The following MAP3K5 variants were observed in gnomAD, a reference collection of about 807,000 sequenced individuals.
MAP3K5 encodes ASK-1.
MAP3K5 carries 56 observed loss-of-function variants against 158.7 expected under a neutral mutation model. The ratio of observed to expected loss-of-function variants is 0.35; its 90% CI spans 0.28 to 0.44. The LOEUF (loss-of-function observed/expected upper bound fraction) is 0.44. MAP3K5 is among the 20% of genes least tolerant of loss of function. The pLI, the probability that MAP3K5 is intolerant of heterozygous loss-of-function variation, is 1.00. For synonymous variants in MAP3K5, 579 were observed against 601.7 expected (o/e 0.96, Z 0.55); for missense variants, 1,294 against 1,674.8 (o/e 0.77, Z 3.97).
intron 28 of MAP3K5, 62 bp from the exon 29 acceptor site, chr6:136,558,938 C>T: frequency 1.2e-6 from 1 of 828,536 alleles, no homozygotes; most frequent in Non-Finnish European, 2.1e-6. Context: ...AGCACAAACT[C>T]TATTCATAAT....
chr6:136,656,618 T>G (rs1778760553), intron 9 of MAP3K5, among the ~76,000 whole-genome samples, 158 bp from the exon 10 acceptor site: 1 of 152,036 alleles, frequency 6.6e-6, no homozygotes, highest in South Asian at 2.1e-4. Context: ...TCGTGTGTTT[T>G]CACACTTTTT....
intron 17 of MAP3K5, among the ~76,000 whole-genome samples, chr6:136,611,596 T>A (rs555442799): frequency 6.6e-6 from 1 of 152,244 alleles, no homozygotes; most frequent in Non-Finnish European, 1.5e-5. Flanking sequence ...CCAACCGCCT[T>A]TGCGAAAATT....
chr6:136,701,385 A>G (rs897547464), intron 3 of MAP3K5, among the ~76,000 whole-genome samples: 3 of 152,240 alleles, frequency 2.0e-5, no homozygotes, highest in Admixed American at 6.5e-5. Context: ...AATGAAGCAG[A>G]AACCAAACCT....
intron 1 of MAP3K5, among the ~76,000 whole-genome samples, chr6:136,777,703 T>C (rs1784453093): frequency 6.6e-6 from 1 of 152,250 alleles, no homozygotes; most frequent in African/African-American, 2.4e-5. Context: ...ACATGTTTTA[T>C]GTATATCAAA....
intron 7 of MAP3K5, among the ~76,000 whole-genome samples, chr6:136,679,108 T>A (rs1344137102): frequency 1.3e-5 from 2 of 152,240 alleles, no homozygotes; most frequent in African/African-American, 4.8e-5. Context: ...TTCAAAGCAA[T>A]AGGTTTTTGT....
At chr6:136,678,534 T>C (rs1007242154) in intron 7 of MAP3K5, among the ~76,000 whole-genome samples, 1 of 152,150 alleles carries the variant, frequency 6.6e-6, no homozygotes, top group Non-Finnish European at 1.5e-5. Flanking sequence ...AAACTATCTA[T>C]AAAGATAGAG....
At chr6:136,736,324 A>G (rs1296796604) in intron 1 of MAP3K5, among the ~76,000 whole-genome samples, 1 of 152,220 alleles carries the variant, frequency 6.6e-6, no homozygotes, top group Non-Finnish European at 1.5e-5. Context: ...TTCGACACCT[A>G]ATAATTTCAT....
chr6:136,579,024 A>T (rs1774745234), intron 25 of MAP3K5, among the ~76,000 whole-genome samples: 1 of 152,056 alleles, frequency 6.6e-6, no homozygotes, highest in African/African-American at 2.4e-5. Flanking sequence ...AAAAAAAAGA[A>T]AACTAAAATG....
chr6:136,719,268 G>A (rs945609403), intron 2 of MAP3K5, among the ~76,000 whole-genome samples: 5 of 152,088 alleles, frequency 3.3e-5, no homozygotes, highest in African/African-American at 1.2e-4. Context: ...TGCTAATATG[G>A]GTTGCAAATA....
intron 7 of MAP3K5, among the ~76,000 whole-genome samples, chr6:136,680,873 G>C (rs1779904023): frequency 6.6e-6 from 1 of 152,134 alleles, no homozygotes. Flanking sequence ...ACCCTTGGAA[G>C]AGCTCTGCAG....
Position 136,614,218 on chromosome 6 carries a change from T to C in MAP3K5, c.2219A>G (p.Tyr740Cys). ...KHLKHKNIVQ[Y>C]LGSFSENGFI... Reference sequence around the variant, plus strand: ...ACCATTCTCACTGAAAGAGCCCAGATACTGGACAATATTTTTGTGCTTCAG... The same window carrying C: ...ACCATTCTCACTGAAAGAGCCCAGACACTGGACAATATTTTTGTGCTTCAG... Residue 740 changes from tyrosine to cysteine, a missense_variant, in exon 16 of 30, where the codon TAT becomes TGT. Physicochemically the swap from Tyr to Cys is radical, Grantham distance 194. Around this residue, in one of 5 missense-constraint regions of MAP3K5, gnomAD observed 41 missense variants for 98.2 expected, o/e 0.42. Coordinates refer to ENST00000359015, the MANE Select transcript of MAP3K5 (RefSeq NM_005923.4). 1.2e-6 allele frequency: 2 copies of C among 1,613,822 alleles called. No homozygotes were observed. Among genetic ancestry groups the C allele is most frequent in the South Asian group, 2.2e-5 (2 of 91,070 alleles).
At chr6:136,640,849 G>C (rs745989659) in intron 12 of MAP3K5, among the ~76,000 whole-genome samples, 2 of 152,196 alleles carry the variant, frequency 1.3e-5, no homozygotes, top group Non-Finnish European at 1.5e-5. Flanking sequence ...CTTCTTTGTG[G>C]AGGAGGAGGC....
chr6:136,719,165 G>A (rs1208730594), intron 2 of MAP3K5, among the ~76,000 whole-genome samples: 1 of 152,146 alleles, frequency 6.6e-6, no homozygotes, highest in Non-Finnish European at 1.5e-5. Flanking sequence ...GAGAGAGCGA[G>A]ATCCTGTCTA....
At chr6:136,744,266 T>G (rs866976660) in intron 1 of MAP3K5, among the ~76,000 whole-genome samples, 48 of 151,914 alleles carry the variant, frequency 3.2e-4, no homozygotes, top group African/African-American at 1.2e-3. Context: ...TGTGGGAGGG[T>G]AAGGAGTTTA....
intron 1 of MAP3K5, among the ~76,000 whole-genome samples, chr6:136,737,960 G>A (rs1782545789): frequency 6.6e-6 from 1 of 152,120 alleles, no homozygotes; most frequent in Admixed American, 6.5e-5. Flanking sequence ...TGGGAAGAAG[G>A]GACATTCCTG....
chr6:136,663,605 AC>A (rs1779101299), intron 8 of MAP3K5, among the ~76,000 whole-genome samples: 1 of 123,120 alleles, frequency 8.1e-6, no homozygotes, highest in Non-Finnish European at 1.6e-5. Flanking sequence ...TAAATTTCTC[AC>A]TTTTTTTTTT....
chr6:136,665,842 G>A (rs180927784), intron 8 of MAP3K5, among the ~76,000 whole-genome samples: 4 of 152,160 alleles, frequency 2.6e-5, no homozygotes, highest in East Asian at 1.9e-4. Context: ...TTGATTCATG[G>A]ATTTTTATGT....
chr6:136,646,559 C>T (rs1021352584), intron 11 of MAP3K5, among the ~76,000 whole-genome samples: 1 of 152,212 alleles, frequency 6.6e-6, no homozygotes, highest in Non-Finnish European at 1.5e-5. Context: ...TTCTCTAGGC[C>T]TTGCTAATCG....
chr6:136,656,247 A>T (rs750172867), intron 10 of MAP3K5, 60 bp downstream of exon 10: 1 of 1,485,818 alleles, frequency 6.7e-7, no homozygotes, highest in Non-Finnish European at 9.4e-7. Flanking sequence ...TGATACAATC[A>T]CAGTACAAGA....
Sources: gnomAD v4.1 joint callset for allele counts (sites outside exome capture counted in the v4.1 genomes callset) on GRCh38, gnomAD v4.1.1 for gene constraint, gnomAD v4.1.1 regional missense constraint, MANE v1.5 for transcripts, NCBI Gene and HGNC (gene_info 2026-07-23, HGNC 2026-07-21) for gene names.